Variants in DOCK4 observed in about 807,000 individuals in gnomAD.
DOCK4 encodes dedicator of cytokinesis protein 4.
Under a neutral mutation model 268.1 loss-of-function variants are expected in DOCK4, and 97 were observed. The ratio of observed to expected loss-of-function variants is 0.36; its 90% CI spans 0.31 to 0.43. The LOEUF (loss-of-function observed/expected upper bound fraction) is 0.43. DOCK4 is among the 20% of genes least tolerant of loss of function. The pLI, the probability that DOCK4 is intolerant of heterozygous loss-of-function variation, is 1.00. For missense variants in DOCK4, 2,145 were observed against 2,455.7 expected (o/e 0.87, Z 2.67); for synonymous variants, 954 against 887.2 (o/e 1.08, Z -1.34).
chr7:111,914,331 G>C (rs1183167022), intron 13 of DOCK4, among the ~76,000 whole-genome samples: 1 of 152,064 alleles, frequency 6.6e-6, no homozygotes, highest in African/African-American at 2.4e-5. Flanking sequence ...TTCCCTCCAG[G>C]TATAATCTCT....
At chr7:111,985,307 C>T (rs11980858) in intron 6 of DOCK4, among the ~76,000 whole-genome samples, 1,885 of 152,206 alleles carry the variant, frequency 0.012, 49 homozygotes, top group African/African-American at 0.042. Context: ...CGAGATGATA[C>T]CCTCTTCTCT....
chr7:112,121,619 A>G (rs1422361309), intron 1 of DOCK4, among the ~76,000 whole-genome samples: 1 of 152,160 alleles, frequency 6.6e-6, no homozygotes, highest in African/African-American at 2.4e-5. Flanking sequence ...CCCCACTCTA[A>G]TGTGAGAGAG....
chr7:111,929,227 G>A (rs1459923892), intron 12 of DOCK4, among the ~76,000 whole-genome samples: 8 of 151,888 alleles, frequency 5.3e-5, no homozygotes, highest in African/African-American at 1.9e-4. Context: ...AATCCTTAAG[G>A]ATCATATCAA....
intron 1 of DOCK4, among the ~76,000 whole-genome samples, chr7:112,010,753 G>T (rs185283049): frequency 6.6e-6 from 1 of 152,280 alleles, no homozygotes; most frequent in East Asian, 1.9e-4. Context: ...GACATGTCAC[G>T]CAACTCTCTT....
intron 1 of DOCK4, among the ~76,000 whole-genome samples, chr7:112,174,948 T>C (rs1818377141): frequency 6.6e-6 from 1 of 150,764 alleles, no homozygotes; most frequent in South Asian, 2.1e-4. Context: ...ACTTTTTTTT[T>C]TTTTTTTTTT....
At chr7:111,802,820 A>G (rs544992565) in intron 30 of DOCK4, among the ~76,000 whole-genome samples, 6 of 152,328 alleles carry the variant, frequency 3.9e-5, no homozygotes, top group Admixed American at 1.3e-4. Flanking sequence ...ATCTAGCTTC[A>G]GTGATTATCA....
At chr7:111,804,057 T>A (rs1477229606) in intron 30 of DOCK4, among the ~76,000 whole-genome samples, 3 of 152,102 alleles carry the variant, frequency 2.0e-5, no homozygotes, top group East Asian at 1.9e-4. Context: ...AACAATAGAA[T>A]TCCCATATGA....
rs10224145 is a variant in DOCK4, at chr7:112,054,674, C to T, written c.38-50543G>A. On this transcript the variant is annotated intron_variant, in intron 1 of 52. Coordinates refer to ENST00000428084, the MANE Select transcript of DOCK4 (RefSeq NM_001363540.2). The stretch of plus-strand genomic sequence containing the variant: ...GCAATGTTGGATTTATTCACCTATG[C>T]TCCCAAATCCTTTTAATTAAGTGAA... 5.5e-3 allele frequency among the ~76,000 whole-genome samples: 837 copies of T among 152,162 alleles called. 8 individuals are homozygous for T. The highest frequency in any genetic ancestry group is 0.019 in the African/African-American group (792 of 41,464).
At chr7:112,195,016 C>A (rs1246858831) in intron 1 of DOCK4, among the ~76,000 whole-genome samples, 1 of 152,138 alleles carries the variant, frequency 6.6e-6, no homozygotes, top group Admixed American at 6.5e-5. Context: ...CAGTGGCTCA[C>A]GCATGTAATT....
chr7:111,742,647 C>A (rs1795996296), intron 44 of DOCK4, among the ~76,000 whole-genome samples: 1 of 152,114 alleles, frequency 6.6e-6, no homozygotes, highest in South Asian at 2.1e-4. Context: ...ATGGAAAAAA[C>A]AAAACAAAAA....
At position 111,877,910 on chromosome 7, in the gene DOCK4, A is replaced by G. The variant is rs76346504; in HGVS notation, c.1588-724T>C. 6.8e-3 allele frequency among the ~76,000 whole-genome samples: 1,035 copies of G among 152,356 alleles called. 8 individuals carry two copies. Among genetic ancestry groups the G allele is most frequent in the South Asian group, 0.017 (84 of 4,826 alleles). ...ACATACAGATTACTTCCTACTGGCA[A>G]GAAGACAAATATAACTGCATGTGGG... On this transcript the variant is annotated intron_variant, in intron 16 of 52. Transcript: ENST00000428084.
chr7:112,044,761 C>T lies in DOCK4; in HGVS notation c.38-40630G>A, dbSNP rs1373289014. ...TTTTTTTTCTCATCATACCTTACAT[C>T]CAATCGTTGAGCAAACTCACTGGAT... On this transcript the variant is annotated intron_variant, in intron 1 of 52. Coordinates refer to ENST00000428084, the MANE Select transcript of DOCK4 (RefSeq NM_001363540.2). Among the ~76,000 whole-genome samples, 9 of 152,218 alleles carry T rather than the reference C, an allele frequency of 5.9e-5. No homozygotes were observed. The East Asian group carries it at 1.7e-3, about 29-fold the overall frequency.
At chr7:111,947,502 C>T (rs1051664459) in intron 8 of DOCK4, among the ~76,000 whole-genome samples, 25 of 151,614 alleles carry the variant, frequency 1.6e-4, no homozygotes, top group Admixed American at 1.0e-3. Flanking sequence ...GCCAATAAGG[C>T]ATGCATGAAG....
At chr7:112,042,764 A>G (rs2135515225) in intron 1 of DOCK4, among the ~76,000 whole-genome samples, 1 of 152,294 alleles carries the variant, frequency 6.6e-6, no homozygotes, top group Non-Finnish European at 1.5e-5. Context: ...TCTGAAACTC[A>G]TGTTGAAATG....
At chr7:111,970,389 C>G (rs1797615619) in intron 8 of DOCK4, among the ~76,000 whole-genome samples, 1 of 151,862 alleles carries the variant, frequency 6.6e-6, no homozygotes, top group South Asian at 2.1e-4. Context: ...TTAGTAGTAT[C>G]CACTGTATAG....
intron 1 of DOCK4, among the ~76,000 whole-genome samples, chr7:112,076,850 A>G (rs1367404586): frequency 6.6e-6 from 1 of 152,178 alleles, no homozygotes; most frequent in Non-Finnish European, 1.5e-5. Flanking sequence ...AGGAAAGAAT[A>G]CTACATTTAA....
At chr7:111,885,678 T>G (rs925326714) in intron 16 of DOCK4, among the ~76,000 whole-genome samples, 2 of 152,186 alleles carry the variant, frequency 1.3e-5, no homozygotes, top group Non-Finnish European at 2.9e-5. Flanking sequence ...TCTCTGCATT[T>G]GCTATGTTGG....
At chr7:112,159,246 C>T (rs1323920595) in intron 1 of DOCK4, among the ~76,000 whole-genome samples, 1 of 152,084 alleles carries the variant, frequency 6.6e-6, no homozygotes, top group Non-Finnish European at 1.5e-5. Context: ...CCTTTCTTCC[C>T]TTCCCAATCT....
chr7:112,051,657 G>A (rs774663239), intron 1 of DOCK4, among the ~76,000 whole-genome samples: 38 of 151,886 alleles, frequency 2.5e-4, no homozygotes, highest in Non-Finnish European at 3.5e-4. Context: ...ATTTTCTCTT[G>A]GCTGCAAATA....
Sources: gnomAD v4.1 joint callset for allele counts (sites outside exome capture counted in the v4.1 genomes callset) on GRCh38, gnomAD v4.1.1 for gene constraint, MANE v1.5 for transcripts, NCBI Gene and HGNC (gene_info 2026-07-23, HGNC 2026-07-21) for gene names.